ZBTB43: variants seen among roughly 807,000 people sequenced by gnomAD.
ZBTB43 encodes zinc finger and BTB domain-containing protein 43.
Under a neutral mutation model 31.1 loss-of-function variants are expected in ZBTB43, and 6 were observed. The ratio of observed to expected loss-of-function variants is 0.19; its 90% CI spans 0.11 to 0.38. ZBTB43 has a LOEUF of 0.38. Among genes scored for constraint, ZBTB43 ranks in the 10% least tolerant of loss-of-function variants. The pLI, the probability that ZBTB43 is intolerant of heterozygous loss-of-function variation, is 1.00. For synonymous variants in ZBTB43, 212 were observed against 221.7 expected, an observed-to-expected ratio of 0.96 and a Z score of 0.39; for missense variants, 379 against 602.1, an observed-to-expected ratio of 0.63 and a Z score of 3.88.
At chr9:126,806,121 T>G (rs763354903) in intron 1 of ZBTB43, among the ~76,000 whole-genome samples, 2 of 152,198 alleles carry the variant, frequency 1.3e-5, no homozygotes, top group Non-Finnish European at 2.9e-5. Context: ...CCCAAATGCC[T>G]TCGCTCTATC....
Position 126,836,470 on chromosome 9 carries a change from G to A in ZBTB43, c.*2557G>A, listed in dbSNP as rs558258882. 13 of 167,140 alleles carry A rather than the reference G, an allele frequency of 7.8e-5. No individual in the cohort carries two copies. The highest frequency in any genetic ancestry group is 5.9e-5 in the Non-Finnish European group (4 of 68,102). The allele number at this position is 167,140 out of a possible 1,614,324, so 10.4% of individuals were successfully genotyped here. On this transcript the variant is annotated 3_prime_UTR_variant, in exon 3 of 3. Coordinates refer to ENST00000373464, the MANE Select transcript of ZBTB43 (RefSeq NM_014007.4). The stretch of plus-strand genomic sequence containing the variant: ...CAGCCAGAGCCTGGGAGGTGGTAGG[G>A]TGTCTGAAATGCTGGCCATGTTCAG...
chr9:126,814,874 AG>A (rs1334199997), intron 2 of ZBTB43, among the ~76,000 whole-genome samples: 4 of 151,974 alleles, frequency 2.6e-5, no homozygotes, highest in Non-Finnish European at 5.9e-5. Flanking sequence ...CTAAGTTGAC[AG>A]GCCTTTCCGC....
chr9:126,819,011 A>G (rs1446474942), intron 2 of ZBTB43, among the ~76,000 whole-genome samples: 3 of 152,284 alleles, frequency 2.0e-5, no homozygotes, highest in African/African-American at 7.2e-5. Flanking sequence ...TATTGAGTCA[A>G]TGTCCTTGAT....
At chr9:126,815,068 T>G (rs1411922257) in intron 2 of ZBTB43, among the ~76,000 whole-genome samples, 1 of 151,802 alleles carries the variant, frequency 6.6e-6, no homozygotes, top group Non-Finnish European at 1.5e-5. Flanking sequence ...ATGTTTCTTG[T>G]GCTTGGAGTT....
chr9:126,826,582 G>C (rs945924561), intron 2 of ZBTB43, among the ~76,000 whole-genome samples: 1 of 144,118 alleles, frequency 6.9e-6, no homozygotes, highest in African/African-American at 2.5e-5. Context: ...TCCCACATCA[G>C]CCTCCCGAGT....
chr9:126,814,669 C>T lies in ZBTB43; in HGVS notation c.-24+5754C>T, dbSNP rs550143061. ...TTAGCCGGGCATGGTGGTGGATGCC[C>T]GTAGTCCCAGCTACTTGGGAGGCTG... On this transcript the variant is annotated intron_variant, in intron 2 of 2. Coordinates refer to ENST00000373464, the MANE Select transcript of ZBTB43 (RefSeq NM_014007.4). Among the ~76,000 whole-genome samples, 331 of 151,872 alleles carry T rather than the reference C, an allele frequency of 2.2e-3. 4 individuals are homozygous for T. Among genetic ancestry groups the T allele is most frequent in the African/African-American group, 7.6e-3 (314 of 41,424 alleles).
chr9:126,812,102 G>A (rs759378361), intron 2 of ZBTB43, among the ~76,000 whole-genome samples: 1 of 151,868 alleles, frequency 6.6e-6, no homozygotes, highest in East Asian at 1.9e-4. Flanking sequence ...CTGTAGCCAC[G>A]AATCTACTTT....
intron 2 of ZBTB43, among the ~76,000 whole-genome samples, chr9:126,814,592 G>A (rs2032333308): frequency 6.6e-6 from 1 of 152,020 alleles, no homozygotes; most frequent in African/African-American, 2.4e-5. Flanking sequence ...AGGAGATCGA[G>A]ACCATCCTGG....
intron 1 of ZBTB43, among the ~76,000 whole-genome samples, chr9:126,807,674 C>T (rs774521760): frequency 2.6e-5 from 4 of 151,882 alleles, no homozygotes; most frequent in Non-Finnish European, 4.4e-5. Context: ...CTCGCCCTGT[C>T]GCCCAGGCTA....
chr9:126,823,014 A>G (rs1043776529), intron 2 of ZBTB43, among the ~76,000 whole-genome samples: 12 of 152,240 alleles, frequency 7.9e-5, no homozygotes, highest in African/African-American at 2.7e-4. Flanking sequence ...TGGGATACCA[A>G]AATTTATGTG....
At chr9:126,827,048 T>G (rs567615201) in intron 2 of ZBTB43, among the ~76,000 whole-genome samples, 5 of 152,368 alleles carry the variant, frequency 3.3e-5, no homozygotes, top group African/African-American at 7.2e-5. Flanking sequence ...ATTCTACGCC[T>G]CCTCTGGGAT....
intron 2 of ZBTB43, among the ~76,000 whole-genome samples, chr9:126,821,800 C>A (rs1196994737): frequency 6.6e-6 from 1 of 152,180 alleles, no homozygotes; most frequent in Non-Finnish European, 1.5e-5. Flanking sequence ...GCTTTTCTAA[C>A]CTGTGGCCCA....
At chr9:126,804,456 G>A (rs941070900), upstream of ZBTB43, among the ~76,000 whole-genome samples, 1 of 151,900 alleles carries the variant, frequency 6.6e-6, no homozygotes, top group South Asian at 2.1e-4. Flanking sequence ...GAGAAGAGAC[G>A]GAGAAGGTCA....
intron 2 of ZBTB43, among the ~76,000 whole-genome samples, chr9:126,822,159 ATTTTT>A (rs773251812): frequency 8.5e-6 from 1 of 117,940 alleles, no homozygotes; most frequent in Non-Finnish European, 1.8e-5. Context: ...CTCGGCCGAG[ATTTTT>A]TTTTTTTTTT....
intron 2 of ZBTB43, among the ~76,000 whole-genome samples, chr9:126,817,712 G>A (rs1435778966): frequency 5.3e-5 from 8 of 152,050 alleles, no homozygotes; most frequent in South Asian, 4.1e-4. Context: ...TCCTGATCTC[G>A]TGATCCACCC....
intron 2 of ZBTB43, among the ~76,000 whole-genome samples, chr9:126,826,219 G>A (rs1386008515): frequency 3.3e-5 from 5 of 150,694 alleles, no homozygotes; most frequent in African/African-American, 1.2e-4. Flanking sequence ...TCACCATGTT[G>A]AAGACTGGTT....
chr9:126,821,703 G>A (rs1420509736), intron 2 of ZBTB43, among the ~76,000 whole-genome samples: 1 of 152,194 alleles, frequency 6.6e-6, no homozygotes, highest in African/African-American at 2.4e-5. Context: ...TTCTTGAAAT[G>A]GACTCTACTC....
At chr9:126,826,519 A>C (rs1251348822) in intron 2 of ZBTB43, among the ~76,000 whole-genome samples, 3 of 115,484 alleles carry the variant, frequency 2.6e-5, no homozygotes, top group African/African-American at 9.8e-5. Flanking sequence ...GCTGGAGTGC[A>C]GTGGCACATT....
intron 1 of ZBTB43, among the ~76,000 whole-genome samples, chr9:126,805,576 A>G (rs535237616): frequency 1.3e-5 from 2 of 152,342 alleles, no homozygotes; most frequent in Admixed American, 1.3e-4. Context: ...TTTAAGTAAA[A>G]CATTCAGCAT....
Sources: gnomAD v4.1 joint callset for allele counts (sites outside exome capture counted in the v4.1 genomes callset) on GRCh38, gnomAD v4.1.1 for gene constraint, MANE v1.5 for transcripts, NCBI Gene and HGNC (gene_info 2026-07-23, HGNC 2026-07-21) for gene names.